Variants in HS3ST5 observed in about 807,000 individuals in gnomAD.
HS3ST5 encodes the protein heparan sulfate glucosamine 3-O-sulfotransferase 5.
A neutral mutation model predicts 25.4 loss-of-function variants in HS3ST5; 10 were observed. That is an observed-to-expected ratio of 0.39 (90% confidence interval 0.24 to 0.67). The LOEUF (loss-of-function observed/expected upper bound fraction) is 0.67, where lower values mean the gene tolerates loss of function less well. HS3ST5 is among the 30% of genes least tolerant of loss of function. The pLI, the probability that HS3ST5 is intolerant of heterozygous loss-of-function variation, is 0.44. For missense variants in HS3ST5, 324 were observed against 420.7 expected (o/e 0.77, Z 2.01); for synonymous variants, 170 against 162.4 (o/e 1.05, Z -0.36).
intron 3 of HS3ST5, among the ~76,000 whole-genome samples, chr6:114,137,994 ATACT>A (rs1320538969): frequency 6.6e-6 from 1 of 152,194 alleles, no homozygotes; most frequent in Admixed American, 6.5e-5. Context: ...GGTACTCTAA[ATACT>A]TAATCCTAAT....
intron 2 of HS3ST5, among the ~76,000 whole-genome samples, chr6:114,196,891 C>T (rs1315505734): frequency 2.0e-5 from 3 of 150,706 alleles, no homozygotes; most frequent in African/African-American, 7.3e-5. Flanking sequence ...AAAAAATAAA[C>T]ATTGGGTGAA....
At chr6:114,086,737 G>T (rs1774856350) in intron 3 of HS3ST5, among the ~76,000 whole-genome samples, 1 of 152,168 alleles carries the variant, frequency 6.6e-6, no homozygotes, top group Admixed American at 6.5e-5. Flanking sequence ...AACAAAACTA[G>T]TGATTTTTTC....
intron 1 of HS3ST5, among the ~76,000 whole-genome samples, chr6:114,309,563 T>G (rs1460972198): frequency 1.3e-5 from 2 of 152,052 alleles, no homozygotes; most frequent in Admixed American, 1.3e-4. Context: ...AGAAACCCTA[T>G]CTCTATTAAA....
chr6:114,202,269 A>T (rs1227285447), intron 2 of HS3ST5, among the ~76,000 whole-genome samples: 3 of 152,188 alleles, frequency 2.0e-5, no homozygotes, highest in Admixed American at 6.5e-5. Context: ...AAAAATTTTT[A>T]AAAATCCTGC....
intron 1 of HS3ST5, among the ~76,000 whole-genome samples, chr6:114,340,071 AGTGAGT>A (rs1776762761): frequency 6.6e-6 from 1 of 152,218 alleles, no homozygotes; most frequent in Admixed American, 6.5e-5. Flanking sequence ...GTGAAAATTC[AGTGAGT>A]AAGAAGGTTA....
At chr6:114,292,324 C>A (rs996913897) in intron 1 of HS3ST5, among the ~76,000 whole-genome samples, 2 of 152,116 alleles carry the variant, frequency 1.3e-5, no homozygotes, top group Non-Finnish European at 2.9e-5. Flanking sequence ...TGCGTTCTCA[C>A]GTGGCAGAAG....
At chr6:114,221,329 C>T (rs770438996) in intron 2 of HS3ST5, among the ~76,000 whole-genome samples, 1 of 151,862 alleles carries the variant, frequency 6.6e-6, no homozygotes, top group African/African-American at 2.4e-5. Context: ...TTAAAAAATA[C>T]ATATAGTACA....
chr6:114,183,660 A>G (rs1460782593), intron 2 of HS3ST5, among the ~76,000 whole-genome samples: 1 of 152,224 alleles, frequency 6.6e-6, no homozygotes, highest in Non-Finnish European at 1.5e-5. Context: ...GCATTGGGTA[A>G]TAAGTAGAGG....
At chr6:114,332,935 A>T (rs1049152947) in intron 1 of HS3ST5, among the ~76,000 whole-genome samples, 1 of 152,160 alleles carries the variant, frequency 6.6e-6, no homozygotes, top group Non-Finnish European at 1.5e-5. Context: ...GAGGAGTGAC[A>T]GAAGTTGAGT....
Position 114,238,138 on chromosome 6 carries a change from T to C in HS3ST5, c.-338-9360A>G, listed in dbSNP as rs557891107. Among the ~76,000 whole-genome samples, 398 of 152,366 alleles carry C rather than the reference T, an allele frequency of 2.6e-3. 2 individuals are homozygous for C. Among genetic ancestry groups the C allele is most frequent in the African/African-American group, 9.3e-3 (388 of 41,586 alleles). The stretch of plus-strand genomic sequence containing the variant: ...GCTTAAAGGAGACAAAGATTTATTT[T>C]ACTGAAGACGCTGCTTGATGATTAT... On this transcript the variant is annotated intron_variant, in intron 1 of 4. Coordinates refer to ENST00000312719, the MANE Select transcript of HS3ST5 (RefSeq NM_153612.4).
chr6:114,289,321 G>A (rs558929451), intron 1 of HS3ST5, among the ~76,000 whole-genome samples: 1 of 152,098 alleles, frequency 6.6e-6, no homozygotes, highest in East Asian at 1.9e-4. Context: ...TGCTGCAACT[G>A]CTTCCAAATC....
chr6:114,116,749 C>G (rs1776548421), intron 3 of HS3ST5, among the ~76,000 whole-genome samples: 1 of 152,098 alleles, frequency 6.6e-6, no homozygotes, highest in South Asian at 2.1e-4. Context: ...CATTTTCCCC[C>G]ACCACTGACC....
intron 3 of HS3ST5, among the ~76,000 whole-genome samples, chr6:114,151,804 A>G (rs1778463058): frequency 6.6e-6 from 1 of 152,204 alleles, no homozygotes; most frequent in South Asian, 2.1e-4. Flanking sequence ...ATAGAAAAAT[A>G]TAAATTCCTG....
At chr6:114,110,208 G>T (rs892792041) in intron 3 of HS3ST5, among the ~76,000 whole-genome samples, 2 of 152,246 alleles carry the variant, frequency 1.3e-5, no homozygotes, top group South Asian at 4.1e-4. Context: ...CTGTCAAAAA[G>T]TAATTAAAAT....
chr6:114,176,822 C>T (rs984744461), intron 2 of HS3ST5, among the ~76,000 whole-genome samples: 4 of 152,118 alleles, frequency 2.6e-5, no homozygotes, highest in South Asian at 2.1e-4. Flanking sequence ...CCTATATACC[C>T]GTTCTTTTAT....
At chr6:114,180,630 G>A (rs528547640) in intron 2 of HS3ST5, among the ~76,000 whole-genome samples, 5 of 152,138 alleles carry the variant, frequency 3.3e-5, no homozygotes, top group African/African-American at 9.7e-5. Flanking sequence ...ACGGCCTATC[G>A]TGGGACTTGA....
intron 1 of HS3ST5, among the ~76,000 whole-genome samples, chr6:114,278,342 G>T (rs1370238560): frequency 6.6e-6 from 1 of 151,772 alleles, no homozygotes; most frequent in East Asian, 1.9e-4. Context: ...TAATTTTTCT[G>T]CCTTAAGGTT....
chr6:114,092,259 G>A (rs1775158578), intron 3 of HS3ST5, among the ~76,000 whole-genome samples: 1 of 152,162 alleles, frequency 6.6e-6, no homozygotes, highest in African/African-American at 2.4e-5. Flanking sequence ...CTTCTTTGTT[G>A]TCTCATCCCC....
At position 114,290,790 on chromosome 6, in the gene HS3ST5, T is replaced by A. The variant is rs944396733; in HGVS notation, c.-339+51405A>T. 2.6e-5 allele frequency among the ~76,000 whole-genome samples: 4 copies of A among 151,962 alleles called. 1 individual carries two copies. Among genetic ancestry groups the A allele is most frequent in the African/African-American group, 4.8e-5 (2 of 41,322 alleles). On this transcript the variant is annotated intron_variant, in intron 1 of 4. Coordinates refer to ENST00000312719, the MANE Select transcript of HS3ST5 (RefSeq NM_153612.4). ...CTGTCATATCCTCCTAAGAAAGTTTTAAAAAATAAAAAGGAGATGGTTTTA... is the reference window on the plus strand; with the variant it reads ...CTGTCATATCCTCCTAAGAAAGTTTAAAAAAATAAAAAGGAGATGGTTTTA...
Sources: allele counts gnomAD v4.1 joint callset (sites outside exome capture counted in the v4.1 genomes callset), GRCh38; gene constraint gnomAD v4.1.1; transcripts MANE v1.5; gene names NCBI Gene and HGNC (gene_info 2026-07-23, HGNC 2026-07-21).